The following ADGRV1 variants were observed in gnomAD, a reference collection of about 807,000 sequenced individuals.
ADGRV1 encodes the protein G-protein coupled receptor 98.
A neutral mutation model predicts 596.2 loss-of-function variants in ADGRV1; 359 were observed. That is an observed-to-expected ratio of 0.60 (90% CI 0.55 to 0.66). ADGRV1 has a LOEUF of 0.66. ADGRV1 is among the 30% of genes least tolerant of loss of function. The pLI, the probability that ADGRV1 is intolerant of heterozygous loss-of-function variation, is 0.00. For synonymous variants in ADGRV1, 2,681 were observed against 2,679.2 expected (o/e 1.00, Z -0.02); for missense variants, 7,274 against 7,575.6 (o/e 0.96, Z 1.48).
chr5:91,064,925 G>T (rs923714957), intron 85 of ADGRV1, among the ~76,000 whole-genome samples: 1 of 152,194 alleles, frequency 6.6e-6, no homozygotes. Context: ...GAATAAAAAT[G>T]TATGTTAAAT....
At chr5:90,706,065 A>G (rs1748551266) in intron 37 of ADGRV1, among the ~76,000 whole-genome samples, 166 bp from the exon 38 acceptor site, 1 of 152,188 alleles carries the variant, frequency 6.6e-6, no homozygotes, top group African/African-American at 2.4e-5. Flanking sequence ...TGAGACACCC[A>G]TGAGCCATCA....
chr5:90,602,710 C>G (rs577015283), intron 1 of ADGRV1, among the ~76,000 whole-genome samples: 1 of 152,206 alleles, frequency 6.6e-6, no homozygotes, highest in Admixed American at 6.5e-5. Context: ...GATCCTGGAA[C>G]AGAAAAAGAA....
At chr5:90,776,195 A>G (rs1051464124) in intron 60 of ADGRV1, among the ~76,000 whole-genome samples, 1 of 152,190 alleles carries the variant, frequency 6.6e-6, no homozygotes, top group African/African-American at 2.4e-5. Context: ...CATGAGCATG[A>G]TAGGGCAATT....
intron 50 of ADGRV1, among the ~76,000 whole-genome samples, chr5:90,743,970 A>G (rs572011268): frequency 5.4e-4 from 75 of 138,442 alleles, no homozygotes; most frequent in African/African-American, 1.9e-3. Flanking sequence ...CTTCTTTTTT[A>G]GAAGCAACCC....
intron 83 of ADGRV1, among the ~76,000 whole-genome samples, chr5:90,904,222 T>A (rs534022437): frequency 1.3e-5 from 2 of 152,252 alleles, no homozygotes; most frequent in African/African-American, 4.8e-5. Context: ...GCAACAACCA[T>A]GGGAATGCAG....
chr5:90,818,449 A>C (rs1430897403), intron 75 of ADGRV1, among the ~76,000 whole-genome samples: 1 of 150,514 alleles, frequency 6.6e-6, no homozygotes, highest in Non-Finnish European at 1.5e-5. Flanking sequence ...TTCCAACATT[A>C]TGTTGAATAG....
At chr5:90,615,548 G>A (rs992188658) in intron 2 of ADGRV1, among the ~76,000 whole-genome samples, 1 of 151,828 alleles carries the variant, frequency 6.6e-6, no homozygotes, top group Non-Finnish European at 1.5e-5. Flanking sequence ...ATAAGTATGT[G>A]TCTATTTTTA....
intron 87 of ADGRV1, among the ~76,000 whole-genome samples, chr5:91,108,256 A>G (rs138766908): frequency 8.0e-4 from 122 of 152,340 alleles, no homozygotes; most frequent in African/African-American, 2.7e-3. Context: ...GCTACATAGT[A>G]TTAACAGTAA....
intron 72 of ADGRV1, among the ~76,000 whole-genome samples, chr5:90,806,934 C>T (rs915182440): frequency 6.6e-6 from 1 of 151,924 alleles, no homozygotes; most frequent in Non-Finnish European, 1.5e-5. Context: ...CTCACTGCAA[C>T]CTCCACCTCC....
intron 50 of ADGRV1, among the ~76,000 whole-genome samples, chr5:90,734,826 G>A (rs1753010101): frequency 6.6e-6 from 1 of 152,156 alleles, no homozygotes; most frequent in Non-Finnish European, 1.5e-5. Context: ...CCAAAGTGCT[G>A]GGATTATAGG....
intron 85 of ADGRV1, among the ~76,000 whole-genome samples, chr5:91,067,289 A>G (rs1787966287): frequency 6.6e-6 from 1 of 151,996 alleles, no homozygotes; most frequent in African/African-American, 2.4e-5. Context: ...GATTAAAAGC[A>G]TGTGCCACCA....
At position 91,072,002 on chromosome 5, in the gene ADGRV1, G is replaced by A. The variant is rs149411382; in HGVS notation, c.18153-445G>A. On this transcript the variant is annotated intron_variant, in intron 85 of 89. Transcript: ENST00000405460. ...TATAATCCTTATTTTAAAGATGAGA[G>A]ACAGTTCAGAGAAGTTAAAAAGTAT... Among the ~76,000 whole-genome samples the A allele has an allele frequency of 1.1e-3, 175 of 152,202 alleles. 1 individual carries two copies. Among genetic ancestry groups the A allele is most frequent in the African/African-American group, 4.1e-3 (170 of 41,558 alleles).
intron 87 of ADGRV1, among the ~76,000 whole-genome samples, chr5:91,128,059 C>G (rs183467236): frequency 6.6e-6 from 1 of 151,966 alleles, no homozygotes; most frequent in Non-Finnish European, 1.5e-5. Context: ...GACATGTTGT[C>G]TGATCTGCTT....
chr5:90,580,619 C>G (rs547088507), intron 1 of ADGRV1, among the ~76,000 whole-genome samples: 1 of 152,326 alleles, frequency 6.6e-6, no homozygotes, highest in South Asian at 2.1e-4. Flanking sequence ...CCACTCTCTT[C>G]TGGCTTGTAG....
chr5:90,872,596 G>A (rs1415148448), intron 83 of ADGRV1, among the ~76,000 whole-genome samples: 1 of 152,128 alleles, frequency 6.6e-6, no homozygotes. Context: ...TGCTAAGGAC[G>A]ATGATAAACA....
At chr5:90,640,491 AGCTGCTGTGG>A (rs1420978694) in intron 11 of ADGRV1, among the ~76,000 whole-genome samples, 1 of 152,138 alleles carries the variant, frequency 6.6e-6, no homozygotes, top group Non-Finnish European at 1.5e-5. Context: ...AAATTTGTTC[AGCTGCTGTGG>A]TTTGTGAGCC....
chr5:90,647,414 A>G, intron 16 of ADGRV1, 84 bp from the exon 17 acceptor site: 2 of 1,376,940 alleles, frequency 1.5e-6, no homozygotes, highest in Non-Finnish European at 2.0e-6. Flanking sequence ...TCTCTCTTGG[A>G]GGGCAGGGAG....
chr5:90,765,059 C>T (rs183060199), intron 59 of ADGRV1, among the ~76,000 whole-genome samples: 1 of 152,238 alleles, frequency 6.6e-6, no homozygotes, highest in East Asian at 1.9e-4. Context: ...GGGGGTCAAT[C>T]TCTGTGGACT....
chr5:91,052,186 T>C (rs1379001005), intron 85 of ADGRV1, among the ~76,000 whole-genome samples: 1 of 152,138 alleles, frequency 6.6e-6, no homozygotes, highest in African/African-American at 2.4e-5. Context: ...TTAGGGTCTC[T>C]GCAGTGAGTT....
Sources: gnomAD v4.1 joint callset for allele counts (sites outside exome capture counted in the v4.1 genomes callset) on GRCh38, gnomAD v4.1.1 for gene constraint, MANE v1.5 for transcripts, NCBI Gene and HGNC (gene_info 2026-07-23, HGNC 2026-07-21) for gene names.